CLTC: variants seen among roughly 807,000 people sequenced by gnomAD.
CLTC encodes the protein clathrin heavy chain, also known as clathrin heavy chain 1.
CLTC carries 16 observed loss-of-function variants against 195.8 expected under a neutral mutation model. That is an observed-to-expected ratio of 0.08 (90% CI 0.06 to 0.12). CLTC has a LOEUF of 0.12. Ranked by LOEUF, CLTC falls within the 10% of genes least tolerant of loss-of-function variation. The pLI, the probability that CLTC is intolerant of heterozygous loss-of-function variation, is 1.00. For synonymous variants in CLTC, 667 were observed against 689.4 expected (o/e 0.97, Z 0.51); for missense variants, 796 against 2,027.0 (o/e 0.39, Z 11.66).
rs183637349 is a variant in CLTC, at chr17:59,675,856, A to G, written c.2561+1013A>G. ...TCACTAGTCTAGACATGCCTCAGCT[A>G]ATTTTTATTCCTTAAGTTGACATGG... On this transcript the variant is annotated intron_variant, in intron 16 of 31. Coordinates refer to ENST00000269122, the MANE Select transcript of CLTC (RefSeq NM_004859.4). Among the ~76,000 whole-genome samples the G allele has an allele frequency of 2.6e-5, 4 of 152,352 alleles. No individual in the cohort carries two copies. In the East Asian group the frequency reaches 7.7e-4, roughly 29 times the overall value.
intron 31 of CLTC, among the ~76,000 whole-genome samples, chr17:59,691,504 G>A (rs1598249262): frequency 1.3e-5 from 2 of 151,802 alleles, no homozygotes; most frequent in African/African-American, 2.4e-5. Context: ...CATGCCTGTA[G>A]TCCCAGCTAC....
At position 59,672,273 on chromosome 17, in the gene CLTC, C is replaced by A. The variant is rs981959420; in HGVS notation, c.2293-1374C>A. ...CCTAGATTTTGTCTACTTTTTAAAT[C>A]TGAAATTTTCTTTTGGAATACAGTT... On this transcript the variant is annotated intron_variant, in intron 14 of 31. Coordinates refer to ENST00000269122, the MANE Select transcript of CLTC (RefSeq NM_004859.4). Among the ~76,000 whole-genome samples, 4 of 152,012 alleles carry A rather than the reference C, an allele frequency of 2.6e-5. No homozygotes were observed. The South Asian group carries it at 6.2e-4, about 24-fold the overall frequency.
chr17:59,675,528 T>C (rs964151142), intron 16 of CLTC, among the ~76,000 whole-genome samples: 27 of 152,282 alleles, frequency 1.8e-4, no homozygotes, highest in African/African-American at 6.5e-4. Context: ...TGAGTTGATA[T>C]AGGTGATCTA....
At chr17:59,654,083 T>G (rs1280313028) in intron 5 of CLTC, among the ~76,000 whole-genome samples, 1 of 152,138 alleles carries the variant, frequency 6.6e-6, no homozygotes. Flanking sequence ...CAGGCTGGTC[T>G]TAAACTCCTG....
At chr17:59,639,647 CTT>C (rs1195371638) in intron 1 of CLTC, among the ~76,000 whole-genome samples, 2 of 152,074 alleles carry the variant, frequency 1.3e-5, no homozygotes, top group African/African-American at 4.8e-5. Context: ...TGTCCTTTGA[CTT>C]TATCCATGCT....
chr17:59,683,500 C>T lies in CLTC; in HGVS notation c.4155C>T (p.Ala1385=), dbSNP rs866876245. Residue 1385 remains alanine, a synonymous_variant, in exon 26 of 32, where the codon GCC becomes GCT. Coordinates refer to ENST00000269122, the MANE Select transcript of CLTC (RefSeq NM_004859.4). This position sits in a 1 kb window ranked among gnomAD's most constrained non-coding sequence, Gnocchi z 6.1. The part of the protein sequence containing the change: ...IITMMNHPTD[A]WKEGQFKDII... ...CCATGATGAATCATCCAACTGATGC[C>T]TGGAAAGAAGGGCAATTCAAAGATA... The T allele has an allele frequency of 6.2e-7, 1 of 1,613,902 alleles. No homozygotes were observed. The highest frequency in any genetic ancestry group is 8.5e-7 in the Non-Finnish European group (1 of 1,179,946).
At chr17:59,665,309 A>G (rs1205529386) in intron 10 of CLTC, among the ~76,000 whole-genome samples, 1 of 152,238 alleles carries the variant, frequency 6.6e-6, no homozygotes, top group African/African-American at 2.4e-5. Context: ...GCCTTGCAAA[A>G]AAAGCAAGTT....
rs184175607 is a variant in CLTC at position 59,648,762 on chromosome 17, A to T, written c.681+361A>T. 68 of 177,308 alleles carry T rather than the reference A, an allele frequency of 3.8e-4. No homozygotes were observed. Among genetic ancestry groups the T allele is most frequent in the African/African-American group, 1.5e-3 (64 of 41,950 alleles). 11.0% of individuals were successfully genotyped at this position (177,308 alleles called of 1,614,324 possible). A position where few individuals can be genotyped will look rare whatever the true frequency, so the allele number is the denominator to read the frequency against. On this transcript the variant is annotated intron_variant, in intron 4 of 31. Coordinates refer to ENST00000269122, the MANE Select transcript of CLTC (RefSeq NM_004859.4). This position sits in a 1 kb window ranked among gnomAD's most constrained non-coding sequence, Gnocchi z 4.5. ...CAGGCTGGAGTGCAGTGGCGCAGTCATGGGCTCACTGCAGCCTCGACCTTC... is the reference window on the plus strand; with the variant it reads ...CAGGCTGGAGTGCAGTGGCGCAGTCTTGGGCTCACTGCAGCCTCGACCTTC...
intron 14 of CLTC, among the ~76,000 whole-genome samples, 163 bp from the exon 15 acceptor site, chr17:59,673,484 A>G (rs189784040): frequency 2.4e-4 from 37 of 152,222 alleles, no homozygotes; most frequent in Admixed American, 5.9e-4. Context: ...ATTTACTGAA[A>G]CTGGGATGTA....
intron 1 of CLTC, among the ~76,000 whole-genome samples, chr17:59,630,052 G>A (rs1332741400): frequency 2.0e-5 from 3 of 152,056 alleles, no homozygotes; most frequent in African/African-American, 4.8e-5. Context: ...CTCAAGTGGA[G>A]TACAGTGGCG....
chr17:59,644,022 C>G (rs769149810), intron 1 of CLTC, among the ~76,000 whole-genome samples: 2 of 152,198 alleles, frequency 1.3e-5, no homozygotes, highest in Non-Finnish European at 2.9e-5. Context: ...TGCTACCTTG[C>G]AGATGTTGCT....
At position 59,682,129 on chromosome 17, in the gene CLTC, C is replaced by A; in HGVS notation, c.3443-142C>A. 1.3e-6 allele frequency: 1 copy of A among 797,636 alleles called. No individual in the cohort carries two copies. The highest frequency in any genetic ancestry group is 1.9e-6 in the Non-Finnish European group (1 of 514,456). The allele number at this position is 797,636 out of a possible 1,614,324, so 49.4% of individuals were successfully genotyped here. A position where few individuals can be genotyped will look rare whatever the true frequency, so the allele number is the denominator to read the frequency against. On this transcript the variant is annotated intron_variant, in intron 21 of 31. Coordinates refer to ENST00000269122, the MANE Select transcript of CLTC (RefSeq NM_004859.4). The surrounding 1 kb of genome is among the most constrained non-coding windows in gnomAD (Gnocchi z 6.8). ...TCTATTCATTTGGTCCGTGATAATA[C>A]AGAAGTGAAATATTGCACGGTTTAC...
intron 30 of CLTC, among the ~76,000 whole-genome samples, chr17:59,687,489 T>G (rs912631862): frequency 2.0e-5 from 3 of 148,046 alleles, no homozygotes; most frequent in East Asian, 2.0e-4. Context: ...TTTTTGGGGT[T>G]TTTTTTTTTT....
chr17:59,639,967 T>G (rs895503668), intron 1 of CLTC, among the ~76,000 whole-genome samples: 2 of 152,030 alleles, frequency 1.3e-5, no homozygotes, highest in Non-Finnish European at 2.9e-5. Context: ...AAATAAAGAA[T>G]AAAAATACAA....
chr17:59,634,212 AAC>A (rs2031802130), intron 1 of CLTC, among the ~76,000 whole-genome samples: 1 of 152,250 alleles, frequency 6.6e-6, no homozygotes, highest in East Asian at 1.9e-4. Flanking sequence ...CCTGGCCTTG[AAC>A]CCTCAAAGTA....
intron 1 of CLTC, among the ~76,000 whole-genome samples, chr17:59,640,890 G>A (rs1170810264): frequency 1.3e-5 from 2 of 151,942 alleles, no homozygotes; most frequent in Non-Finnish European, 2.9e-5. Flanking sequence ...GGAGGCCAAG[G>A]CGGACGGAAC....
chr17:59,668,581 G>T (rs534999676), intron 13 of CLTC, among the ~76,000 whole-genome samples, 196 bp from the exon 14 acceptor site: 1 of 152,272 alleles, frequency 6.6e-6, no homozygotes, highest in East Asian at 1.9e-4. Context: ...GGGTTGAATT[G>T]TCTATTCTTC....
chr17:59,655,492 G>A lies in CLTC; in HGVS notation c.796-362G>A, dbSNP rs144402783. Among the ~76,000 whole-genome samples, 579 of 152,346 alleles carry A rather than the reference G, an allele frequency of 3.8e-3. 7 individuals carry two copies. The highest frequency in any genetic ancestry group is 0.013 in the African/African-American group (553 of 41,576). On this transcript the variant is annotated intron_variant, in intron 5 of 31. Coordinates refer to ENST00000269122, the MANE Select transcript of CLTC (RefSeq NM_004859.4). ...CACAGAGACACTGAAGAGAGCACAT[G>A]CTGTTGGAAAATAGTGCCAATAGGC...
intron 1 of CLTC, among the ~76,000 whole-genome samples, chr17:59,620,801 A>AT (rs1273130254): frequency 6.6e-6 from 1 of 152,138 alleles, no homozygotes; most frequent in Non-Finnish European, 1.5e-5. Context: ...CGAGGGTAGA[A>AT]TGGGAGAACG....
Sources: gnomAD v4.1 joint callset for allele counts (sites outside exome capture counted in the v4.1 genomes callset) on GRCh38, gnomAD v4.1.1 for gene constraint, Gnocchi (gnomAD v3.1) non-coding constraint, MANE v1.5 for transcripts, NCBI Gene and HGNC (gene_info 2026-07-23, HGNC 2026-07-21) for gene names.